DNAH14: variants seen among roughly 807,000 people sequenced by gnomAD.
DNAH14 encodes the protein axonemal beta dynein heavy chain 14.
In DNAH14, 478 loss-of-function variants were observed where a neutral mutation model predicts 520.9. The observed-to-expected ratio is 0.92, with a 90% confidence interval of 0.85 to 0.99. The LOEUF is 0.99. Among genes scored for constraint, DNAH14 ranks in the 50% least tolerant of loss-of-function variants. DNAH14 has a pLI of 0.00. For synonymous variants in DNAH14, 1,581 were observed against 1,757.2 expected (o/e 0.90, Z 2.51); for missense variants, 4,831 against 5,234.5 (o/e 0.92, Z 2.38).
intron 44 of DNAH14, among the ~76,000 whole-genome samples, chr1:225,252,634 T>C (rs578181013): frequency 3.3e-5 from 5 of 152,244 alleles, no homozygotes; most frequent in South Asian, 4.1e-4. Flanking sequence ...TTAGAGTATA[T>C]TTTATTGAAT....
At position 225,331,436 on chromosome 1, in the gene DNAH14, G is replaced by T; in HGVS notation, c.9724-1G>T. On this transcript the variant is annotated splice_acceptor_variant, in intron 64 of 85. Transcript: ENST00000682510. LOFTEE classifies it high-confidence loss of function. ...TCAATAATGAATTAATTATCTTTCA[G>T]GTTGAAGAACATTTGCTGTTTTTAC... 1 of 1,549,686 alleles carries T rather than the reference G, an allele frequency of 6.5e-7. No homozygotes were observed. Among genetic ancestry groups the T allele is most frequent in the South Asian group, 1.2e-5 (1 of 83,482 alleles).
intron 36 of DNAH14, among the ~76,000 whole-genome samples, chr1:225,170,227 C>A (rs149605431): frequency 6.6e-6 from 1 of 152,124 alleles, no homozygotes; most frequent in African/African-American, 2.4e-5. Context: ...AGCAAAATAA[C>A]CAGGTAACAT....
At chr1:225,128,906 A>T (rs968735958) in intron 27 of DNAH14, among the ~76,000 whole-genome samples, 142 of 151,200 alleles carry the variant, frequency 9.4e-4, no homozygotes, top group African/African-American at 3.2e-3. Flanking sequence ...ATGATTGTAT[A>T]TCTAGAAAAC....
chr1:225,366,331 CAAAT>C (rs1251956380), intron 76 of DNAH14, among the ~76,000 whole-genome samples: 2 of 151,992 alleles, frequency 1.3e-5, no homozygotes, highest in Admixed American at 1.3e-4. Context: ...AGGAAAAGGC[CAAAT>C]AAATTATGAT....
chr1:225,056,189 C>T (rs766759164), intron 17 of DNAH14, among the ~76,000 whole-genome samples: 22 of 152,028 alleles, frequency 1.4e-4, no homozygotes, highest in East Asian at 1.9e-4. Flanking sequence ...ACATCCTCTC[C>T]AGCACCTGTT....
chr1:225,150,994 G>A (rs986413237), intron 31 of DNAH14, among the ~76,000 whole-genome samples: 1 of 152,120 alleles, frequency 6.6e-6, no homozygotes, highest in African/African-American at 2.4e-5. Flanking sequence ...TTACAGGCAT[G>A]AGCCACCACA....
At chr1:225,170,344 G>C (rs1456093672) in intron 36 of DNAH14, among the ~76,000 whole-genome samples, 1 of 152,088 alleles carries the variant, frequency 6.6e-6, no homozygotes, top group East Asian at 1.9e-4. Context: ...AAAGAGTCAA[G>C]ACCCATCAGT....
chr1:225,080,083 G>A (rs2072937712), intron 18 of DNAH14, among the ~76,000 whole-genome samples: 1 of 152,140 alleles, frequency 6.6e-6, no homozygotes, highest in African/African-American at 2.4e-5. Flanking sequence ...CTGGAACTTA[G>A]CATTTTCTCA....
intron 19 of DNAH14, among the ~76,000 whole-genome samples, chr1:225,082,348 C>A (rs903999298): frequency 6.6e-6 from 1 of 151,970 alleles, no homozygotes; most frequent in Non-Finnish European, 1.5e-5. Context: ...ATAACTATTT[C>A]TCTTATTTTA....
rs548389471 is a variant in DNAH14, at chr1:224,952,610, A to C, written c.-33-60A>C. The C allele has an allele frequency of 1.3e-4, 122 of 948,586 alleles. 3 individuals are homozygous for C. The South Asian group carries it at 2.5e-3, about 19-fold the overall frequency. The allele number at this position is 948,586 out of a possible 1,614,324, so 58.8% of individuals were successfully genotyped here. A position where few individuals can be genotyped will look rare whatever the true frequency, so the allele number is the denominator to read the frequency against. The stretch of plus-strand genomic sequence containing the variant: ...ACTATATATGCCATTTTGAATACCA[A>C]TTGTCATAGCTGTCAGATTGTATTG... On this transcript the variant is annotated intron_variant, in intron 1 of 85. Transcript: ENST00000682510.
At chr1:225,273,285 A>C (rs1483401302) in intron 52 of DNAH14, among the ~76,000 whole-genome samples, 160 bp downstream of exon 52, 1 of 152,122 alleles carries the variant, frequency 6.6e-6, no homozygotes, top group Non-Finnish European at 1.5e-5. Flanking sequence ...CAAAAAAATT[A>C]GCCGGGCGTG....
At chr1:225,297,033 CTTGGGA>C (rs2094024654) in intron 55 of DNAH14, among the ~76,000 whole-genome samples, 1 of 152,100 alleles carries the variant, frequency 6.6e-6, no homozygotes, top group South Asian at 2.1e-4. Flanking sequence ...TCTCTGAAGA[CTTGGGA>C]TTGTTTTCAG....
chr1:225,300,754 C>G, intron 55 of DNAH14, 115 bp from the exon 56 acceptor site: 1 of 1,096,420 alleles, frequency 9.1e-7, no homozygotes, highest in Non-Finnish European at 1.3e-6. Context: ...AAAAAAATCA[C>G]TTAGCCTCAG....
chr1:225,197,605 G>A (rs1355971864), intron 38 of DNAH14, among the ~76,000 whole-genome samples: 1 of 152,188 alleles, frequency 6.6e-6, no homozygotes, highest in South Asian at 2.1e-4. Context: ...GACGGAAATT[G>A]TGTTGAATTT....
chr1:225,174,075 C>T (rs2083034727), intron 36 of DNAH14, among the ~76,000 whole-genome samples: 2 of 151,754 alleles, frequency 1.3e-5, no homozygotes, highest in Admixed American at 6.6e-5. Context: ...AACACATGGA[C>T]ACAGGAAGGG....
chr1:225,246,802 G>A (rs599117), intron 43 of DNAH14, among the ~76,000 whole-genome samples: 22,691 of 152,066 alleles, frequency 0.15, 1,961 homozygotes, highest in East Asian at 0.36. Context: ...TAGCTCAATC[G>A]TTGTGGAAGA....
Position 225,239,860 on chromosome 1 carries a change from T to C in DNAH14, c.6519-733T>C, listed in dbSNP as rs750212734. ...TTCCAGTTTAGTGACATATTTTAGG[T>C]TTTTCACAATTTATAAATAGTTTTA... On this transcript the variant is annotated intron_variant, in intron 42 of 85. Coordinates refer to ENST00000682510, the MANE Select transcript of DNAH14 (RefSeq NM_001367479.1). Among the ~76,000 whole-genome samples, 30 of 152,340 alleles carry C rather than the reference T, an allele frequency of 2.0e-4. 1 individual carries two copies. In the South Asian group the frequency reaches 5.2e-3, roughly 26 times the overall value.
chr1:225,257,988 A>T lies in DNAH14; in HGVS notation c.6894A>T (p.Arg2298Ser), dbSNP rs1160699814. The T allele has an allele frequency of 1.3e-6, 2 of 1,548,644 alleles. No homozygotes were observed. The highest frequency in any genetic ancestry group is 1.4e-5 in the African/African-American group (1 of 72,794). ...CTTCATTACTAACTAATCTTCAAAG[A>T]TCTGGCGGAAACTTCTTGAAGATAA... is the stretch of plus-strand genomic sequence containing the variant. ...RGTSLLTNLQ[R>S]SGGNFLKITE... is the part of the protein sequence containing the mutation. The change falls in exon 45 of 86, where the codon AGA becomes AGT. Residue 2298 changes from arginine (R) to serine (S), a missense_variant. Coordinates refer to ENST00000682510, the MANE Select transcript of DNAH14 (RefSeq NM_001367479.1).
intron 12 of DNAH14, 110 bp downstream of exon 12, chr1:225,038,933 T>G: frequency 1.1e-6 from 1 of 939,104 alleles, no homozygotes; most frequent in Non-Finnish European, 1.5e-6. Context: ...TTACCCAACA[T>G]ACCCTCGCCA....
Sources: gnomAD v4.1 joint callset for allele counts (sites outside exome capture counted in the v4.1 genomes callset) on GRCh38, gnomAD v4.1.1 for gene constraint, MANE v1.5 for transcripts, NCBI Gene and HGNC (gene_info 2026-07-23, HGNC 2026-07-21) for gene names.